The following GLP1R variants were observed in gnomAD, a reference collection of about 807,000 sequenced individuals.
GLP1R encodes glucagon like peptide 1 receptor, also known as glucagon-like peptide 1 receptor.
A neutral mutation model predicts 68.4 loss-of-function variants in GLP1R; 32 were observed. The ratio of observed to expected loss-of-function variants is 0.47; its 90% CI spans 0.35 to 0.63. GLP1R has a LOEUF of 0.63. GLP1R is among the 20% of genes least tolerant of loss of function. The probability of loss-of-function intolerance (pLI) is 0.00; values close to 1 mark genes in which losing one functional copy is unlikely to be tolerated. For missense variants in GLP1R, 502 were observed against 594.9 expected (o/e 0.84, Z 1.62); for synonymous variants, 263 against 244.4 (o/e 1.08, Z -0.71).
In GLP1R at chr6:39,089,780, G is replaced by A. The variant is rs1041253513; in HGVS notation, c.*3707G>A. On this transcript the variant is annotated 3_prime_UTR_variant, in exon 13 of 13. Transcript: ENST00000373256. The surrounding 1 kb of genome is among the most constrained non-coding windows in gnomAD (Gnocchi z 4.1). The stretch of plus-strand genomic sequence containing the variant: ...AGTGGTAGATGCTTCCTCTCCATGC[G>A]CAGACAGGGCTCCCATTATTTGCTA... 2.0e-5 allele frequency among the ~76,000 whole-genome samples: 3 copies of A among 152,270 alleles called. No homozygotes were observed. Among genetic ancestry groups the A allele is most frequent in the Non-Finnish European group, 4.4e-5 (3 of 68,020 alleles).
chr6:39,082,398 G>A (rs1769029232), intron 12 of GLP1R, among the ~76,000 whole-genome samples: 1 of 152,206 alleles, frequency 6.6e-6, no homozygotes, highest in Admixed American at 6.5e-5. Context: ...TGTGGCGGGG[G>A]CAAGATCCCA....
intron 6 of GLP1R, 93 bp downstream of exon 6, chr6:39,073,108 CAAG>C: frequency 8.1e-7 from 1 of 1,238,710 alleles, no homozygotes; most frequent in South Asian, 1.4e-5. Context: ...CAGGAGAAGA[CAAG>C]AGCCGAACAG....
At chr6:39,073,486 G>C (rs1768728098) in intron 6 of GLP1R, 124 bp from the exon 7 acceptor site, 1 of 800,186 alleles carries the variant, frequency 1.2e-6, no homozygotes, top group Non-Finnish European at 2.1e-6. Flanking sequence ...CCTAGCCAGA[G>C]ATGTGAGCTC....
rs144122530 is a variant in GLP1R at position 39,065,724 on chromosome 6, C to T, written c.297C>T (p.His99=). The T allele has an allele frequency of 3.8e-4, 594 of 1,565,606 alleles. 2 individuals are homozygous for T. In the African/African-American group the frequency reaches 6.6e-3, roughly 17 times the overall value. ...TCCCCACCCCAGTGCCGCAGGGCCACGTGTACCGGTTCTGCACAGCTGAAG... is the reference window on the plus strand; with the variant it reads ...TCCCCACCCCAGTGCCGCAGGGCCATGTGTACCGGTTCTGCACAGCTGAAG... ...LPWASSVPQG[H]VYRFCTAEGL... Residue 99 remains histidine (H), a synonymous_variant, in exon 4 of 13, where the codon CAC becomes CAT. Transcript: ENST00000373256.
Position 39,079,009 on chromosome 6 carries a change from A to G in GLP1R, c.937A>G (p.Ile313Val). The change falls in exon 9 of 13, where the codon ATT becomes GTT. Residue 313 changes from isoleucine (I) to valine (V), a missense_variant. Physicochemically the swap from Ile to Val is conservative, Grantham distance 29 (BLOSUM62 3). Coordinates refer to ENST00000373256, the MANE Select transcript of GLP1R (RefSeq NM_002062.5). The surrounding 1 kb of genome is among the most constrained non-coding windows in gnomAD (Gnocchi z 4.5). ...MNYWLIIRLP[I>V]LFAIGVNFLI... Reference sequence around the variant, plus strand: ...CTACTGGCTCATTATCCGGCTGCCCATTCTCTTTGCCATTGGGGTGAGTGA... The same window carrying G: ...CTACTGGCTCATTATCCGGCTGCCCGTTCTCTTTGCCATTGGGGTGAGTGA... 6.2e-7 allele frequency: 1 copy of G among 1,614,040 alleles called. No individual in the cohort carries two copies. Among genetic ancestry groups the G allele is most frequent in the African/African-American group, 1.3e-5 (1 of 75,002 alleles).
intron 3 of GLP1R, among the ~76,000 whole-genome samples, chr6:39,059,422 G>A (rs1247377580): frequency 1.3e-5 from 2 of 152,142 alleles, no homozygotes; most frequent in African/African-American, 4.8e-5. Context: ...ATGTGGCTCT[G>A]GCCTGGAGAC....
chr6:39,057,156 T>C (rs762220175), intron 2 of GLP1R, among the ~76,000 whole-genome samples: 7 of 152,246 alleles, frequency 4.6e-5, no homozygotes, highest in Non-Finnish European at 7.3e-5. Context: ...GGATTTTTCA[T>C]TGAGCACGTA....
chr6:39,057,533 G>T lies in GLP1R; in HGVS notation c.237G>T (p.Ser79=). ...YACWPDGEPG[S]FVNVSCPWYL... ...GCTGGCCAGATGGGGAGCCAGGCTC[G>T]TTCGTGAATGTCAGCTGCCCCTGGT... is the stretch of plus-strand genomic sequence containing the variant. The change falls in exon 3 of 13, where the codon TCG becomes TCT. Residue 79 remains serine, a synonymous_variant. Coordinates refer to ENST00000373256, the MANE Select transcript of GLP1R (RefSeq NM_002062.5). 1 of 1,613,232 alleles carries T rather than the reference G, an allele frequency of 6.2e-7. No homozygotes were observed. The highest frequency in any genetic ancestry group is 8.5e-7 in the Non-Finnish European group (1 of 1,179,642).
At chr6:39,064,604 C>T (rs1371548197) in intron 3 of GLP1R, among the ~76,000 whole-genome samples, 5 of 152,220 alleles carry the variant, frequency 3.3e-5, no homozygotes, top group African/African-American at 4.8e-5. Context: ...AGTTCCCCTA[C>T]AGAGAGGCCA....
intron 3 of GLP1R, among the ~76,000 whole-genome samples, chr6:39,058,774 C>T (rs946743500): frequency 6.6e-6 from 1 of 152,196 alleles, no homozygotes; most frequent in African/African-American, 2.4e-5. Context: ...TGTGGTTATA[C>T]CTGCTGTACA....
At chr6:39,067,622 A>C (rs1272087944) in intron 5 of GLP1R, among the ~76,000 whole-genome samples, 1 of 152,188 alleles carries the variant, frequency 6.6e-6, no homozygotes, top group Non-Finnish European at 1.5e-5. Flanking sequence ...TTTCAACATG[A>C]ATTTTGGAGT....
intron 1 of GLP1R, among the ~76,000 whole-genome samples, chr6:39,050,826 C>A (rs1768070576): frequency 6.6e-6 from 1 of 152,136 alleles, no homozygotes; most frequent in African/African-American, 2.4e-5. Context: ...AGAGGGTCCC[C>A]TGTATAAAGT....
intron 3 of GLP1R, 34 bp downstream of exon 3, chr6:39,057,613 GGCCAGCA>G (rs2150822189): frequency 1.0e-5 from 13 of 1,296,554 alleles, no homozygotes; most frequent in East Asian, 2.6e-5. Context: ...ACCTGCCCTG[GGCCAGCA>G]GTGGTGAACC....
Position 39,087,664 on chromosome 6 carries a change from G to T in GLP1R, c.*1591G>T, listed in dbSNP as rs569641300. The T allele has an allele frequency of 2.0e-5, 3 of 152,294 alleles. No individual in the cohort carries two copies. Among genetic ancestry groups the T allele is most frequent in the Admixed American group, 2.0e-4 (3 of 15,296 alleles). The allele number at this position is 152,294 out of a possible 1,614,324, so 9.4% of individuals were successfully genotyped here. ...AACCTTTCCCCAGACACATTCTCCT[G>T]TGCCCCTCAGAGAGGCATGTGATGT... On this transcript the variant is annotated 3_prime_UTR_variant, in exon 13 of 13. Transcript: ENST00000373256.
At chr6:39,068,060 A>T (rs7766275) in intron 5 of GLP1R, among the ~76,000 whole-genome samples, 1 of 151,928 alleles carries the variant, frequency 6.6e-6, no homozygotes, top group Non-Finnish European at 1.5e-5. Context: ...GACCGATGTA[A>T]GAGACCATTA....
chr6:39,058,105 C>T (rs1276764040), intron 3 of GLP1R, among the ~76,000 whole-genome samples: 48 of 152,112 alleles, frequency 3.2e-4, no homozygotes, highest in Non-Finnish European at 1.5e-5. Context: ...CAGTGCTGGC[C>T]AGTGTGTGGG....
rs748428406 is a variant in GLP1R, at chr6:39,079,168, C to T, written c.1011C>T (p.Ala337=). The T allele has an allele frequency of 3.7e-6, 6 of 1,613,746 alleles. No individual in the cohort carries two copies. The highest frequency in any genetic ancestry group is 5.1e-6 in the Non-Finnish European group (6 of 1,179,762). Reference sequence around the variant, plus strand: ...GCATCGTGGTATCCAAACTGAAGGCCAATCTCATGTGCAAGACAGACATCA... The same window carrying T: ...GCATCGTGGTATCCAAACTGAAGGCTAATCTCATGTGCAAGACAGACATCA... ...VICIVVSKLK[A]NLMCKTDIKC... The change falls in exon 10 of 13, where the codon GCC becomes GCT. Residue 337 remains alanine, a synonymous_variant. Transcript: ENST00000373256. The surrounding 1 kb of genome is among the most constrained non-coding windows in gnomAD (Gnocchi z 4.5).
chr6:39,050,964 G>T (rs1433145735), intron 1 of GLP1R, among the ~76,000 whole-genome samples: 1 of 152,128 alleles, frequency 6.6e-6, no homozygotes, highest in African/African-American at 2.4e-5. Context: ...GGTCTCGTGA[G>T]GCTGGAAACA....
chr6:39,066,421 G>A, intron 5 of GLP1R, 118 bp downstream of exon 5: 1 of 624,666 alleles, frequency 1.6e-6, no homozygotes, highest in African/African-American at 1.8e-5. Flanking sequence ...CTTCTCTCAA[G>A]AGCTCTCTAC....
Sources: gnomAD v4.1 joint callset for allele counts (sites outside exome capture counted in the v4.1 genomes callset) on GRCh38, gnomAD v4.1.1 for gene constraint, Gnocchi (gnomAD v3.1) non-coding constraint, MANE v1.5 for transcripts, NCBI Gene and HGNC (gene_info 2026-07-23, HGNC 2026-07-21) for gene names.